The following UPRT variants were observed in gnomAD, a reference collection of about 807,000 sequenced individuals.
The protein encoded by UPRT is uracil phosphoribosyltransferase homolog.
Under a neutral mutation model 22.6 loss-of-function variants are expected in UPRT, and 5 were observed. The observed-to-expected ratio is 0.22, with a 90% CI of 0.12 to 0.47. The LOEUF is 0.47. UPRT is among the 20% of genes least tolerant of loss of function. UPRT has a pLI of 0.99. For synonymous variants in UPRT, 77 were observed against 87.7 expected (o/e 0.88, Z 0.68); for missense variants, 181 against 239.9 (o/e 0.75, Z 1.62).
intron 4 of UPRT, among the ~76,000 whole-genome samples, chrX:75,222,225 G>A (rs895822238): frequency 8.9e-6 from 1 of 112,019 alleles, no homozygotes; most frequent in African/African-American, 3.2e-5. Flanking sequence ...AGCTAGGGGA[G>A]GAGGAGGAGT....
chrX:75,224,559 G>A (rs1419771092), intron 4 of UPRT, among the ~76,000 whole-genome samples: 1 of 110,801 alleles, frequency 9.0e-6, no homozygotes, highest in Non-Finnish European at 1.9e-5. Flanking sequence ...GGTGTTATTG[G>A]TATAGTTCTC....
At chrX:75,236,457 T>C (rs2082464528) in intron 4 of UPRT, among the ~76,000 whole-genome samples, 1 of 111,567 alleles carries the variant, frequency 9.0e-6, no homozygotes, top group Non-Finnish European at 1.9e-5. Context: ...ACTTTAAAGT[T>C]CATATGGAAC....
chrX:75,236,125 A>G (rs2082462652), intron 4 of UPRT, among the ~76,000 whole-genome samples: 1 of 111,683 alleles, frequency 9.0e-6, no homozygotes, highest in Non-Finnish European at 1.9e-5. Context: ...TCAATGTACA[A>G]AAATCACAAG....
At chrX:75,234,908 C>T (rs1162157142) in intron 4 of UPRT, among the ~76,000 whole-genome samples, 1 of 111,197 alleles carries the variant, frequency 9.0e-6, no homozygotes, top group Non-Finnish European at 1.9e-5. Context: ...CATTCAAAAG[C>T]TAGCAGAAGG....
intron 4 of UPRT, among the ~76,000 whole-genome samples, chrX:75,189,954 A>G (rs994992344): frequency 8.0e-5 from 9 of 111,881 alleles, no homozygotes; most frequent in Admixed American, 6.6e-4. Context: ...GCTTCTTTCA[A>G]TTGAAGCATT....
At chrX:75,174,259 T>G (rs1243047714) in intron 4 of UPRT, among the ~76,000 whole-genome samples, 1 of 111,821 alleles carries the variant, frequency 8.9e-6, no homozygotes. Context: ...GAAGGGGCCC[T>G]GCAGTTGTAG....
intron 4 of UPRT, among the ~76,000 whole-genome samples, chrX:75,187,997 T>G (rs1207129469): frequency 1.8e-5 from 2 of 112,259 alleles, no homozygotes; most frequent in African/African-American, 6.5e-5. Context: ...AGTAATTTGA[T>G]CGTCTGAAGC....
intron 4 of UPRT, among the ~76,000 whole-genome samples, chrX:75,176,366 G>T (rs6647093): frequency 2.7e-5 from 3 of 110,817 alleles, no homozygotes; most frequent in Admixed American, 9.6e-5. Context: ...AGCTAAAGCC[G>T]CATTCTTTTA....
rs764218388 is a variant in UPRT at position 75,251,094 on chromosome X, C to A, written c.-446-39930C>A. Among the ~76,000 whole-genome samples the A allele has an allele frequency of 1.1e-4, 12 of 111,528 alleles. No individual in the cohort carries two copies. In the South Asian group the frequency reaches 4.5e-3, roughly 42 times the overall value. On this transcript the variant is annotated intron_variant, in intron 4 of 13. Coordinates refer to the UPRT transcript ENST00000652605. ...ATAAGAGCTATCTATGACAAACCCA[C>A]AGCCAATATCATACTAAATGGACAA...
At chrX:75,185,789 A>C (rs2082288081) in intron 4 of UPRT, among the ~76,000 whole-genome samples, 2 of 110,510 alleles carry the variant, frequency 1.8e-5, no homozygotes, top group Admixed American at 1.9e-4. Flanking sequence ...TTTCTTCTAG[A>C]TTTTCTAGTT....
chrX:75,240,967 A>T (rs1274325168), intron 4 of UPRT, among the ~76,000 whole-genome samples: 3 of 111,783 alleles, frequency 2.7e-5, no homozygotes, highest in Non-Finnish European at 5.7e-5. Flanking sequence ...ACCTGACACC[A>T]AAAAATTCTA....
At chrX:75,258,192 T>TG (rs1264548553) in intron 4 of UPRT, among the ~76,000 whole-genome samples, 3 of 32,752 alleles carry the variant, frequency 9.2e-5, no homozygotes, top group Middle Eastern at 0.02. Context: ...TAGCTGCAGG[T>TG]GTTTTTTTTT....
chrX:75,191,286 A>T (rs939621412), intron 4 of UPRT, among the ~76,000 whole-genome samples: 3 of 112,398 alleles, frequency 2.7e-5, no homozygotes, highest in Non-Finnish European at 5.6e-5. Context: ...AAGGCTGCAG[A>T]ACGCGAATAT....
chrX:75,247,647 G>A (rs1411986442), intron 4 of UPRT, among the ~76,000 whole-genome samples: 1 of 112,770 alleles, frequency 8.9e-6, no homozygotes, highest in African/African-American at 3.2e-5. Flanking sequence ...CTCCACCTCT[G>A]GGGGCAGGGC....
chrX:75,205,948 A>G (rs1325541932), intron 4 of UPRT, among the ~76,000 whole-genome samples: 1 of 111,839 alleles, frequency 8.9e-6, no homozygotes, highest in African/African-American at 3.3e-5. Flanking sequence ...ATGAGGGCCA[A>G]TGGGAGAAGT....
rs764797330 is a variant in UPRT, at chrX:75,172,610, A to T, written c.-447+4731A>T. ...GCCACGGACCCTTGCGGTGAGTGTT[A>T]CAGCTCTTAAGGTGGTGCCTCTGGA... On this transcript the variant is annotated intron_variant, in intron 4 of 13. Coordinates refer to the UPRT transcript ENST00000652605. Among the ~76,000 whole-genome samples, 178 of 111,828 alleles carry T rather than the reference A, an allele frequency of 1.6e-3. 1 individual carries two copies. Among genetic ancestry groups the T allele is most frequent in the Non-Finnish European group, 6.2e-4 (33 of 53,163 alleles).
rs1281024641 is a variant in UPRT, at chrX:75,188,449, G to T, written c.-447+20570G>T. 3.6e-5 allele frequency among the ~76,000 whole-genome samples: 4 copies of T among 112,349 alleles called. No homozygotes were observed. The Admixed American group carries it at 3.7e-4, about 10-fold the overall frequency. On this transcript the variant is annotated intron_variant, in intron 4 of 13. Coordinates refer to the UPRT transcript ENST00000652605. ...AAAGCTGTCAGACAGGGACATTTAA[G>T]TCTGTAGAGGTTACTGCTGTCTTTG...
chrX:75,271,499 A>G (rs1420849751), upstream of UPRT, among the ~76,000 whole-genome samples: 4 of 112,388 alleles, frequency 3.6e-5, no homozygotes, highest in Non-Finnish European at 7.5e-5. Flanking sequence ...TCAACTCAAG[A>G]TGGATTAAGG....
intron 4 of UPRT, among the ~76,000 whole-genome samples, chrX:75,223,454 A>T (rs1569268633): frequency 2.7e-5 from 3 of 110,660 alleles, no homozygotes; most frequent in African/African-American, 9.9e-5. Flanking sequence ...ACTACTTTTT[A>T]TGTTTATTTA....
Sources: gnomAD v4.1 joint callset for allele counts (sites outside exome capture counted in the v4.1 genomes callset) on GRCh38, gnomAD v4.1.1 for gene constraint, MANE v1.5 for transcripts, NCBI Gene and HGNC (gene_info 2026-07-23, HGNC 2026-07-21) for gene names.